Variants in CACNA1C observed in about 807,000 individuals in gnomAD.
CACNA1C encodes the protein calcium voltage-gated channel subunit alpha1 C, also known as voltage-dependent L-type calcium channel subunit alpha-1C.
Under a neutral mutation model 229.0 loss-of-function variants are expected in CACNA1C, and 30 were observed. The observed-to-expected ratio is 0.13, with a 90% CI of 0.10 to 0.18. The LOEUF (loss-of-function observed/expected upper bound fraction) is 0.18, where lower values mean the gene tolerates loss of function less well. Ranked by LOEUF, CACNA1C falls within the 10% of genes least tolerant of loss-of-function variation. The probability of loss-of-function intolerance (pLI) is 1.00; values close to 1 mark genes in which losing one functional copy is unlikely to be tolerated. For missense variants in CACNA1C, 1,658 were observed against 2,845.0 expected, an observed-to-expected ratio of 0.58 and a Z score of 9.49; for synonymous variants, 1,114 against 1,132.5, an observed-to-expected ratio of 0.98 and a Z score of 0.33.
chr12:2,329,297 G>A (rs1010330132), intron 3 of CACNA1C, among the ~76,000 whole-genome samples: 2 of 152,150 alleles, frequency 1.3e-5, no homozygotes, highest in African/African-American at 2.4e-5. Context: ...AGTTTCTACC[G>A]TTATTACAAT....
At chr12:2,357,990 A>G (rs1055386506) in intron 3 of CACNA1C, among the ~76,000 whole-genome samples, 1 of 150,402 alleles carries the variant, frequency 6.6e-6, no homozygotes, top group African/African-American at 2.5e-5. Flanking sequence ...AAAAAAAAAA[A>G]ATCGCAACAA....
In CACNA1C at chr12:2,468,456, GGACGT is replaced by G. The variant is rs1166354868; in HGVS notation, c.757+10751_757+10755del. 9.0e-3 allele frequency among the ~76,000 whole-genome samples: 1,378 copies of G among 152,330 alleles called. 21 individuals are homozygous for G. The highest frequency in any genetic ancestry group is 0.031 in the African/African-American group (1,309 of 41,570). ...TCGGCCCAGTGGTCTAGAAACACAGGGACGTTATCCCTAATTTAGAGATAGGCAAA... is the reference window on the plus strand; with the variant it reads ...TCGGCCCAGTGGTCTAGAAACACAGGTATCCCTAATTTAGAGATAGGCAAA... On this transcript the variant is annotated intron_variant, in intron 5 of 46. Transcript: ENST00000399655.
intron 3 of CACNA1C, among the ~76,000 whole-genome samples, chr12:2,315,161 A>G (rs2095624920): frequency 6.6e-6 from 1 of 152,186 alleles, no homozygotes; most frequent in African/African-American, 2.4e-5. Context: ...TATAGCTCAT[A>G]TAATTTTCCA....
At chr12:2,105,358 C>T (rs2077816473) in intron 1 of CACNA1C, among the ~76,000 whole-genome samples, 2 of 152,162 alleles carry the variant, frequency 1.3e-5, no homozygotes, top group South Asian at 4.1e-4. Context: ...TCCTGGCGCC[C>T]TCACGGTCTC....
In CACNA1C at chr12:2,479,159, A is replaced by G. The variant is rs1166795474; in HGVS notation, c.758-6945A>G. ...ATGGGGCTCGGTGGGCACAGTAAGG[A>G]CAGTGCCCTTCACTTGAACACCTGT... On this transcript the variant is annotated intron_variant, in intron 5 of 46. Transcript: ENST00000399655. The surrounding 1 kb of genome is among the most constrained non-coding windows in gnomAD (Gnocchi z 4.3). Among the ~76,000 whole-genome samples, 1 of 152,012 alleles carries G rather than the reference A, an allele frequency of 6.6e-6. No homozygotes were observed.
Position 2,493,409 on chromosome 12 carries a change from C to A in CACNA1C, c.1113+23C>A, listed in dbSNP as rs142826660. On this transcript the variant is annotated intron_variant, in intron 7 of 46. Transcript: ENST00000399655. This position sits in a 1 kb window ranked among gnomAD's most constrained non-coding sequence, Gnocchi z 4.6. ...TGGGTACGTAGCATGAGTGGGCAGT[C>A]AGAGGGTGGGGGAACAGCGGCCGTG... 3.4e-3 allele frequency: 5,420 copies of A among 1,586,502 alleles called. 44 individuals are homozygous for A. The highest frequency in any genetic ancestry group is 0.019 in the South Asian group (1,676 of 90,390).
intron 3 of CACNA1C, among the ~76,000 whole-genome samples, chr12:2,333,389 C>T (rs985023959): frequency 1.3e-5 from 2 of 152,196 alleles, no homozygotes; most frequent in Non-Finnish European, 2.9e-5. Context: ...CGCTGGCCCC[C>T]ACGCTGCCAT....
At position 2,140,994 on chromosome 12, in the gene CACNA1C, GTC is replaced by G. The variant is rs1319272290; in HGVS notation, c.477+20570_477+20571del. On this transcript the variant is annotated intron_variant, in intron 3 of 46. Transcript: ENST00000399655. ...CACCTGGAGCGGGTAGGCAGGGAGG[GTC>G]TCTCTGAGGAGGTGGCACTGGGGCT... Among the ~76,000 whole-genome samples the G allele has an allele frequency of 2.6e-5, 4 of 151,284 alleles. No individual in the cohort carries two copies. The East Asian group carries it at 7.7e-4, about 29-fold the overall frequency.
At chr12:2,217,942 C>G (rs1193486896) in intron 3 of CACNA1C, 2 of 152,136 alleles carry the variant, frequency 1.3e-5, no homozygotes, top group African/African-American at 4.8e-5. Flanking sequence ...CGGAGACTTC[C>G]ACGGACACTT....
intron 25 of CACNA1C, 130 bp downstream of exon 25, chr12:2,606,793 C>G: frequency 1.1e-6 from 1 of 940,072 alleles, no homozygotes; most frequent in African/African-American, 1.6e-5. Context: ...TGTGTGTCAT[C>G]TGGCCTCACG....
chr12:2,173,136 G>A (rs1284970187), intron 3 of CACNA1C, among the ~76,000 whole-genome samples: 1 of 152,166 alleles, frequency 6.6e-6, no homozygotes, highest in Non-Finnish European at 1.5e-5. Flanking sequence ...CCTAACCCAG[G>A]TCCACTTCAC....
rs532922699 is a variant in CACNA1C, at chr12:2,602,682, T to A, written c.2960+722T>A. On this transcript the variant is annotated intron_variant, in intron 22 of 46. Coordinates refer to ENST00000399655, the MANE Select transcript of CACNA1C (RefSeq NM_000719.7). This position sits in a 1 kb window ranked among gnomAD's most constrained non-coding sequence, Gnocchi z 4.4. ...TGTGTGTGTGTGTGAGTTTTTCATT[T>A]CACTGGTCTGGGGTACAGTCTGGGT... Among the ~76,000 whole-genome samples the A allele has an allele frequency of 6.6e-6, 1 of 151,178 alleles. No individual in the cohort carries two copies. The highest frequency in any genetic ancestry group is 6.6e-5 in the Admixed American group (1 of 15,146).
chr12:2,166,707 C>T (rs2096252342), intron 3 of CACNA1C, among the ~76,000 whole-genome samples: 1 of 152,200 alleles, frequency 6.6e-6, no homozygotes, highest in Non-Finnish European at 1.5e-5. Context: ...TTGTGCCTGC[C>T]TCACACCATA....
chr12:2,299,738 C>G (rs1167690569), intron 3 of CACNA1C, among the ~76,000 whole-genome samples: 1 of 152,014 alleles, frequency 6.6e-6, no homozygotes. Flanking sequence ...TCCTCAATTC[C>G]TAGGAGTGAA....
chr12:2,180,657 G>C (rs2096810435), intron 3 of CACNA1C, among the ~76,000 whole-genome samples: 1 of 152,188 alleles, frequency 6.6e-6, no homozygotes, highest in South Asian at 2.1e-4. Flanking sequence ...TGCTGATAGG[G>C]AGGCCGTAAA....
chr12:2,164,912 A>G (rs1253457296), intron 3 of CACNA1C, among the ~76,000 whole-genome samples: 1 of 152,210 alleles, frequency 6.6e-6, no homozygotes, highest in Admixed American at 6.5e-5. Context: ...GGGGAGGGGA[A>G]AGAAGCAGAG....
chr12:2,640,896 C>A (rs768392194), intron 30 of CACNA1C, among the ~76,000 whole-genome samples: 45 of 152,234 alleles, frequency 3.0e-4, no homozygotes, highest in Non-Finnish European at 6.0e-4. Context: ...ACGTCCACCC[C>A]CTCAGGGGTG....
intron 21 of CACNA1C, among the ~76,000 whole-genome samples, chr12:2,598,217 C>T (rs774043338): frequency 2.6e-5 from 4 of 152,086 alleles, no homozygotes; most frequent in East Asian, 1.9e-4. Context: ...GAGCAGGTGC[C>T]GCAAGGAACC....
intron 9 of CACNA1C, among the ~76,000 whole-genome samples, chr12:2,527,322 G>A (rs1032179422): frequency 1.3e-5 from 2 of 152,166 alleles, no homozygotes; most frequent in Non-Finnish European, 2.9e-5. Flanking sequence ...GCTGGGACTT[G>A]TTTGTGTCTT....
Sources: allele counts gnomAD v4.1 joint callset (sites outside exome capture counted in the v4.1 genomes callset), GRCh38; gene constraint gnomAD v4.1.1; non-coding constraint Gnocchi (gnomAD v3.1); transcripts MANE v1.5; gene names NCBI Gene and HGNC (gene_info 2026-07-23, HGNC 2026-07-21).